The following MCTP1 variants were observed in gnomAD, a reference collection of about 807,000 sequenced individuals.
The protein encoded by MCTP1 is multiple C2 and transmembrane domain containing 1.
Under a neutral mutation model 120.6 loss-of-function variants are expected in MCTP1, and 69 were observed. That is an observed-to-expected ratio of 0.57 (90% CI 0.47 to 0.70). MCTP1 has a LOEUF of 0.70. MCTP1 is among the 30% of genes least tolerant of loss of function. The pLI is 0.00. For synonymous variants in MCTP1, 529 were observed against 493.1 expected, an observed-to-expected ratio of 1.07 and a Z score of -0.96; for missense variants, 1,203 against 1,248.8, an observed-to-expected ratio of 0.96 and a Z score of 0.55.
At chr5:94,848,736 G>A (rs926064338) in intron 17 of MCTP1, among the ~76,000 whole-genome samples, 1 of 151,586 alleles carries the variant, frequency 6.6e-6, no homozygotes, top group African/African-American at 2.4e-5. Flanking sequence ...AAAATAAGAT[G>A]CACTGTATTG....
At chr5:95,037,999 T>C (rs1841654224) in intron 1 of MCTP1, 1 of 288,480 alleles carries the variant, frequency 3.5e-6, no homozygotes, top group Non-Finnish European at 5.2e-6. Context: ...ATTCTACAAA[T>C]ACCATCATAT....
At chr5:95,062,622 C>T (rs1749533117) in intron 1 of MCTP1, among the ~76,000 whole-genome samples, 1 of 152,176 alleles carries the variant, frequency 6.6e-6, no homozygotes, top group African/African-American at 2.4e-5. Flanking sequence ...ACAGTCCCCA[C>T]ATATCCTTCT....
At chr5:94,932,341 T>C (rs555340071) in intron 5 of MCTP1, among the ~76,000 whole-genome samples, 3 of 152,020 alleles carry the variant, frequency 2.0e-5, no homozygotes, top group Admixed American at 1.3e-4. Context: ...GTACATGACT[T>C]GAACAGGTAT....
chr5:94,759,879 A>G (rs1445378617), intron 19 of MCTP1, among the ~76,000 whole-genome samples: 2 of 126,378 alleles, frequency 1.6e-5, no homozygotes, highest in Non-Finnish European at 3.2e-5. Context: ...CTTTGCATTC[A>G]TTATCCAGGA....
At chr5:95,271,475 A>AC (rs1759391265) in intron 1 of MCTP1, among the ~76,000 whole-genome samples, 1 of 151,406 alleles carries the variant, frequency 6.6e-6, no homozygotes, top group Non-Finnish European at 1.5e-5. Flanking sequence ...GAAAAAAAAA[A>AC]TGAACTATAT....
Position 94,870,433 on chromosome 5 carries a change from T to A in MCTP1, c.2300A>T (p.Asn767Ile), listed in dbSNP as rs1269360990. ...GCTTTTTACCTGTTTAGAGAGTCTG[T>A]TTTCCTCTTCAATGTACTTCTGTTC... ...PKEQKYIEEE[N>I]RLSKQLLLRN... Residue 767 changes from asparagine to isoleucine, a missense_variant, in exon 16 of 23, where the codon AAC becomes ATC. Around this residue, in one of 2 missense-constraint regions of MCTP1, gnomAD observed 740 missense variants for 871.1 expected, o/e 0.85. Transcript: ENST00000515393. 1 of 1,611,274 alleles carries A rather than the reference T, an allele frequency of 6.2e-7. No individual in the cohort carries two copies. Among genetic ancestry groups the A allele is most frequent in the Admixed American group, 1.7e-5 (1 of 59,968 alleles).
intron 17 of MCTP1, among the ~76,000 whole-genome samples, chr5:94,851,856 T>C (rs762822230): frequency 8.6e-5 from 13 of 151,906 alleles, no homozygotes; most frequent in Non-Finnish European, 1.3e-4. Flanking sequence ...AGAATCCATA[T>C]GTTTAGAAGT....
intron 1 of MCTP1, among the ~76,000 whole-genome samples, chr5:95,225,514 A>C (rs1678792653): frequency 6.6e-6 from 1 of 152,246 alleles, no homozygotes; most frequent in Non-Finnish European, 1.5e-5. Context: ...AACCAGGAGC[A>C]AATGAATAAT....
chr5:95,121,873 G>A (rs933893521), intron 1 of MCTP1, among the ~76,000 whole-genome samples: 1 of 143,328 alleles, frequency 7.0e-6, no homozygotes. Context: ...GTGCCAAGAA[G>A]ATATTCTGGG....
chr5:94,822,742 C>T (rs1002779671), intron 17 of MCTP1, among the ~76,000 whole-genome samples: 1 of 152,104 alleles, frequency 6.6e-6, no homozygotes, highest in African/African-American at 2.4e-5. Flanking sequence ...TTTTAATGAT[C>T]GCCATTCTAA....
intron 12 of MCTP1, among the ~76,000 whole-genome samples, chr5:94,876,743 T>C (rs756568371): frequency 2.0e-5 from 3 of 151,870 alleles, no homozygotes; most frequent in African/African-American, 4.8e-5. Flanking sequence ...GCAGTGCTGG[T>C]TGAGGGCAGG....
rs1403454037 is a variant in MCTP1 at position 94,812,119 on chromosome 5, A to G, written c.2437-12987T>C. Among the ~76,000 whole-genome samples, 3 of 152,166 alleles carry G rather than the reference A, an allele frequency of 2.0e-5. No individual in the cohort carries two copies. The East Asian group carries it at 5.8e-4, about 29-fold the overall frequency. ...TAAAATCAATGATTTACTGTGATCA[A>G]TTTTCCAGAATAATTGAATATTGCA... On this transcript the variant is annotated intron_variant, in intron 17 of 22. Transcript: ENST00000515393.
rs533183157 is a variant in MCTP1, at chr5:94,968,169, T to C, written c.839-14808A>G. ...TGAAAGTGTTTTTACCAAGTATATT[T>C]TAGCAAGATATTATCTGATGACATT... On this transcript the variant is annotated intron_variant, in intron 2 of 22. Coordinates refer to ENST00000515393, the MANE Select transcript of MCTP1 (RefSeq NM_024717.7). Among the ~76,000 whole-genome samples the C allele has an allele frequency of 4.6e-5, 7 of 152,338 alleles. No homozygotes were observed. In the South Asian group the frequency reaches 1.4e-3, roughly 32 times the overall value.
At chr5:94,839,662 C>A (rs539497902) in intron 17 of MCTP1, among the ~76,000 whole-genome samples, 4 of 152,180 alleles carry the variant, frequency 2.6e-5, no homozygotes, top group Non-Finnish European at 5.9e-5. Context: ...CTGGGATGCA[C>A]ATTCTCTCTT....
At chr5:94,870,167 A>C (rs1447207435) in intron 16 of MCTP1, among the ~76,000 whole-genome samples, 1 of 152,136 alleles carries the variant, frequency 6.6e-6, no homozygotes, top group Non-Finnish European at 1.5e-5. Flanking sequence ...CATCACCTAC[A>C]GTATCCCCTT....
At chr5:95,168,874 T>C (rs983266734) in intron 1 of MCTP1, among the ~76,000 whole-genome samples, 21 of 152,258 alleles carry the variant, frequency 1.4e-4, no homozygotes, top group South Asian at 4.1e-4. Flanking sequence ...CTTTTCCTAA[T>C]TGAATACCCT....
intron 17 of MCTP1, among the ~76,000 whole-genome samples, chr5:94,844,317 A>G (rs1040775438): frequency 9.3e-5 from 14 of 150,908 alleles, no homozygotes; most frequent in Non-Finnish European, 1.5e-4. Context: ...AAAAAAAAAA[A>G]AAAAGAAAAG....
rs373327877 is a variant in MCTP1 at position 94,912,786 on chromosome 5, C to T, written c.1521+20G>A. On this transcript the variant is annotated intron_variant, in intron 9 of 22. Coordinates refer to ENST00000515393, the MANE Select transcript of MCTP1 (RefSeq NM_024717.7). ...AATGCCTTCCAAATATTGACAGGAACACAATAGAGACAAGGTTACCTTGCT... is the reference window on the plus strand; with the variant it reads ...AATGCCTTCCAAATATTGACAGGAATACAATAGAGACAAGGTTACCTTGCT... 717 of 1,521,370 alleles carry T rather than the reference C, an allele frequency of 4.7e-4. No individual in the cohort carries two copies. The highest frequency in any genetic ancestry group is 9.5e-4 in the Admixed American group (46 of 48,396). The allele number at this position is 1,521,370 out of a possible 1,614,324, so 94.2% of individuals were successfully genotyped here. A position where few individuals can be genotyped will look rare whatever the true frequency, so the allele number is the denominator to read the frequency against.
chr5:95,024,673 A>ACC (rs1554185311), intron 1 of MCTP1, among the ~76,000 whole-genome samples: 1 of 151,650 alleles, frequency 6.6e-6, no homozygotes, highest in Non-Finnish European at 1.5e-5. Context: ...ACACACACAC[A>ACC]CACACCCCTA....
Sources: gnomAD v4.1 joint callset for allele counts (sites outside exome capture counted in the v4.1 genomes callset) on GRCh38, gnomAD v4.1.1 for gene constraint, gnomAD v4.1.1 regional missense constraint, MANE v1.5 for transcripts, NCBI Gene and HGNC (gene_info 2026-07-23, HGNC 2026-07-21) for gene names.